FAM184B: variants seen among roughly 807,000 people sequenced by gnomAD.
FAM184B encodes family with sequence similarity 184 member B, also known as protein FAM184B.
A neutral mutation model predicts 135.9 loss-of-function variants in FAM184B; 111 were observed. The observed-to-expected ratio is 0.82, with a 90% CI of 0.70 to 0.96. FAM184B has a LOEUF of 0.96. Among genes scored for constraint, FAM184B ranks in the 40% least tolerant of loss-of-function variants. The pLI, the probability that FAM184B is intolerant of heterozygous loss-of-function variation, is 0.00. For missense variants in FAM184B, 1,375 were observed against 1,323.9 expected (o/e 1.04, Z -0.60); for synonymous variants, 552 against 524.8 (o/e 1.05, Z -0.71).
intron 1 of FAM184B, among the ~76,000 whole-genome samples, chr4:17,730,049 C>A (rs535202971): frequency 1.3e-5 from 2 of 152,036 alleles, no homozygotes; most frequent in Non-Finnish European, 2.9e-5. Context: ...ACTAGAATAA[C>A]CAACACAGAG....
intron 1 of FAM184B, among the ~76,000 whole-genome samples, chr4:17,760,978 C>T (rs775448388): frequency 2.0e-5 from 3 of 152,232 alleles, no homozygotes; most frequent in Non-Finnish European, 2.9e-5. Context: ...TTGATTTGCA[C>T]AGTCCCCTCC....
chr4:17,766,097 C>G (rs1560196626), intron 1 of FAM184B, among the ~76,000 whole-genome samples: 1 of 152,214 alleles, frequency 6.6e-6, no homozygotes, highest in African/African-American at 2.4e-5. Flanking sequence ...AGATTTATTA[C>G]AAAGAGCAAG....
intron 12 of FAM184B, among the ~76,000 whole-genome samples, chr4:17,643,927 C>T (rs892241239): frequency 5.3e-5 from 8 of 152,174 alleles, no homozygotes; most frequent in Admixed American, 2.6e-4. Context: ...ATGGCATGTC[C>T]CCAACAGGAC....
chr4:17,768,146 T>G (rs1168330049), intron 1 of FAM184B, among the ~76,000 whole-genome samples: 4 of 152,258 alleles, frequency 2.6e-5, no homozygotes, highest in Non-Finnish European at 5.9e-5. Context: ...TTCTTTTTCT[T>G]TTTTTCTGTT....
At chr4:17,667,266 C>A (rs1179100391) in intron 7 of FAM184B, among the ~76,000 whole-genome samples, 1 of 152,144 alleles carries the variant, frequency 6.6e-6, no homozygotes, top group Non-Finnish European at 1.5e-5. Flanking sequence ...ACTCTTCCCC[C>A]ACTTTACATC....
In FAM184B at chr4:17,664,608, C is replaced by G; in HGVS notation, c.1648G>C (p.Asp550His). The change falls in exon 8 of 18, where the codon GAT (aspartate) becomes CAT (histidine). Residue 550 changes from aspartate (D) to histidine (H), a missense_variant. Transcript: ENST00000265018. ...GTTCCTTCTTCAGCTGCTAACTTAT[C>G]TTGATACTCCTCTCCTCTCGGCGAA... ...ETSPRGEEYQ[D>H]KLAAEEGTSS... is the part of the protein sequence containing the mutation. The G allele has an allele frequency of 3.9e-6, 6 of 1,551,288 alleles. No homozygotes were observed. The highest frequency in any genetic ancestry group is 5.2e-6 in the Non-Finnish European group (6 of 1,146,950).
chr4:17,643,219 C>T (rs1715373879), intron 12 of FAM184B, among the ~76,000 whole-genome samples: 1 of 152,194 alleles, frequency 6.6e-6, no homozygotes, highest in South Asian at 2.1e-4. Flanking sequence ...GAATTAGATC[C>T]CAGTAGGACA....
chr4:17,719,768 A>C (rs972385192), intron 1 of FAM184B, among the ~76,000 whole-genome samples: 1 of 152,144 alleles, frequency 6.6e-6, no homozygotes, highest in African/African-American at 2.4e-5. Context: ...TAATTTCTCA[A>C]CTTCCCTATT....
chr4:17,693,304 C>A lies in FAM184B; in HGVS notation c.1486G>T (p.Glu496Ter), dbSNP rs1311387629. Residue 496 changes from glutamate to a stop codon, truncating the protein, a stop_gained and splice_region_variant, in exon 6 of 18, where the codon GAG (glutamate) becomes TAG (stop). Coordinates refer to ENST00000265018, the MANE Select transcript of FAM184B (RefSeq NM_015688.2). LOFTEE classifies it high-confidence loss of function. The stretch of plus-strand genomic sequence containing the variant: ...GCTTGCATTTGGTCAGGGCTCACCT[C>A]AAGCAGAGAATTCTGAAGCTTCACA... ...LNVKLQNSLL[E>*]VLRLEEFIQQ... 5 of 1,550,616 alleles carry A rather than the reference C, an allele frequency of 3.2e-6. No homozygotes were observed. The Admixed American group carries it at 9.8e-5, about 30-fold the overall frequency.
intron 1 of FAM184B, among the ~76,000 whole-genome samples, chr4:17,772,339 A>T (rs180723612): frequency 2.7e-4 from 41 of 152,190 alleles, no homozygotes; most frequent in African/African-American, 9.6e-4. Context: ...AAACAGAGAC[A>T]ATACTATTGT....
At chr4:17,645,397 C>G (rs576325382) in intron 12 of FAM184B, among the ~76,000 whole-genome samples, 1 of 152,262 alleles carries the variant, frequency 6.6e-6, no homozygotes, top group African/African-American at 2.4e-5. Context: ...CAATGGAACA[C>G]AACAGAGCCC....
chr4:17,774,186 G>A (rs1718875959), intron 1 of FAM184B, among the ~76,000 whole-genome samples: 1 of 152,106 alleles, frequency 6.6e-6, no homozygotes, highest in African/African-American at 2.4e-5. Context: ...AGGCCAGCCT[G>A]AGCAACATAG....
intron 1 of FAM184B, among the ~76,000 whole-genome samples, chr4:17,746,665 G>A (rs1436955437): frequency 6.6e-6 from 1 of 151,686 alleles, no homozygotes; most frequent in African/African-American, 2.4e-5. Flanking sequence ...TCGGGAGGTG[G>A]AGCTTGCAGT....
intron 8 of FAM184B, among the ~76,000 whole-genome samples, chr4:17,662,026 A>G (rs1715931869): frequency 6.6e-6 from 1 of 152,206 alleles, no homozygotes; most frequent in Admixed American, 6.5e-5. Context: ...CCTTGCAGCC[A>G]AAGCTTTGAT....
chr4:17,632,672 A>G (rs1470817953), intron 17 of FAM184B, 47 bp from the exon 18 acceptor site: 2 of 1,308,420 alleles, frequency 1.5e-6, no homozygotes, highest in South Asian at 1.3e-5. Flanking sequence ...AAACTATGCA[A>G]GAAGCAGCTT....
chr4:17,748,624 C>T (rs1276921079), intron 1 of FAM184B, among the ~76,000 whole-genome samples: 1 of 150,280 alleles, frequency 6.7e-6, no homozygotes, highest in Admixed American at 6.7e-5. Context: ...TCAAGTGATC[C>T]TCCAGCCTCA....
Position 17,650,252 on chromosome 4 carries a change from C to T in FAM184B, c.2192-2461G>A, listed in dbSNP as rs1171148323. ...ACCCTCTAGTAAACACCCACCCTCC[C>T]TGCCCTCTCACAGGGACCTATAGTA... On this transcript the variant is annotated intron_variant, in intron 11 of 17. Coordinates refer to ENST00000265018, the MANE Select transcript of FAM184B (RefSeq NM_015688.2). Among the ~76,000 whole-genome samples, 5 of 152,246 alleles carry T rather than the reference C, an allele frequency of 3.3e-5. No individual in the cohort carries two copies. The South Asian group carries it at 6.2e-4, about 19-fold the overall frequency.
At chr4:17,753,946 G>A (rs887598504) in intron 1 of FAM184B, among the ~76,000 whole-genome samples, 1 of 152,152 alleles carries the variant, frequency 6.6e-6, no homozygotes, top group Admixed American at 6.5e-5. Flanking sequence ...AGAATTTATG[G>A]TAAGTACAGT....
rs1018345075 is a variant in FAM184B at position 17,664,620 on chromosome 4, C to G, written c.1636G>C (p.Glu546Gln). Residue 546 changes from glutamate to glutamine, a missense_variant, in exon 8 of 18, where the codon GAG becomes CAG. Coordinates refer to ENST00000265018, the MANE Select transcript of FAM184B (RefSeq NM_015688.2). ...GCTGCTAACTTATCTTGATACTCCT[C>G]TCCTCTCGGCGAAGTTTCATCCAGC... ...LKLDETSPRG[E>Q]EYQDKLAAEE... 8.4e-6 allele frequency: 13 copies of G among 1,551,314 alleles called. No individual in the cohort carries two copies. The highest frequency in any genetic ancestry group is 3.3e-4 in the Middle Eastern group (2 of 6,014).
Sources: allele counts gnomAD v4.1 joint callset (sites outside exome capture counted in the v4.1 genomes callset), GRCh38; gene constraint gnomAD v4.1.1; transcripts MANE v1.5; gene names NCBI Gene and HGNC (gene_info 2026-07-23, HGNC 2026-07-21).